The following CEP112 variants were observed in gnomAD, a reference collection of about 807,000 sequenced individuals.
The protein encoded by CEP112 is centrosomal protein 112, also known as centrosomal protein of 112 kDa.
CEP112 carries 127 observed loss-of-function variants against 153.0 expected under a neutral mutation model. The ratio of observed to expected loss-of-function variants is 0.83; its 90% CI spans 0.72 to 0.96. The LOEUF (loss-of-function observed/expected upper bound fraction) is 0.96, where lower values mean the gene tolerates loss of function less well. Ranked by LOEUF, CEP112 falls within the 40% of genes least tolerant of loss-of-function variation. The pLI, the probability that CEP112 is intolerant of heterozygous loss-of-function variation, is 0.00. For synonymous variants in CEP112, 358 were observed against 374.4 expected, an observed-to-expected ratio of 0.96 and a Z score of 0.51; for missense variants, 1,089 against 1,101.2, an observed-to-expected ratio of 0.99 and a Z score of 0.16.
chr17:65,734,325 C>T (rs1375312312), intron 23 of CEP112, among the ~76,000 whole-genome samples: 1 of 152,122 alleles, frequency 6.6e-6, no homozygotes, highest in Non-Finnish European at 1.5e-5. Context: ...GCACTGGCAG[C>T]TGATGAGGGA....
At chr17:66,029,845 T>G (rs2065387205) in intron 13 of CEP112, 24 bp downstream of exon 13, 1 of 1,603,244 alleles carries the variant, frequency 6.2e-7, no homozygotes, top group Non-Finnish European at 8.5e-7. Context: ...CTACACCTGA[T>G]AAATATCTGA....
intron 6 of CEP112, among the ~76,000 whole-genome samples, chr17:66,120,469 A>G (rs1598390586): frequency 6.6e-6 from 1 of 152,026 alleles, no homozygotes; most frequent in Non-Finnish European, 1.5e-5. Flanking sequence ...CCAAAGTGCT[A>G]GGATTATAGG....
At chr17:65,679,890 G>A (rs966157614) in intron 24 of CEP112, among the ~76,000 whole-genome samples, 1 of 152,220 alleles carries the variant, frequency 6.6e-6, no homozygotes, top group African/African-American at 2.4e-5. Flanking sequence ...CAGGCGGAAG[G>A]AGCTAAGGAG....
Position 65,961,567 on chromosome 17 carries a change from C to G in CEP112, c.1768G>C (p.Glu590Gln), listed in dbSNP as rs1226058580. The G allele has an allele frequency of 6.2e-7, 1 of 1,612,974 alleles. No individual in the cohort carries two copies. Among genetic ancestry groups the G allele is most frequent in the Non-Finnish European group, 8.5e-7 (1 of 1,179,110 alleles). The change falls in exon 18 of 27, where the codon GAA becomes CAA. Residue 590 changes from glutamate to glutamine, a missense_variant. Transcript: ENST00000535342. ...TGCTGGGCCTGCAACCTCTGAACTT[C>G]AGTCACACGAGTTAGCTGCTCCTCT... Reference protein sequence around the residue: ...EKEEQLTRVTEVQRLQAQQAD... With the variant: ...EKEEQLTRVTQVQRLQAQQAD...
Position 66,027,553 on chromosome 17 carries a change from T to G in CEP112, c.1604A>C (p.Glu535Ala), listed in dbSNP as rs958343609. Residue 535 changes from glutamate (E) to alanine (A), a missense_variant, in exon 16 of 27, where the codon GAA becomes GCA. Glu to Ala is a moderately radical substitution (Grantham distance 107). Transcript: ENST00000535342. ...LQRKQQLRDQ[E>A]NKFQMEKSHL... ...ACTTTTCTCCATCTGAAACTTATTT[T>G]CTTGATCCTGTGAATGATAAATGTT... 1 of 1,294,464 alleles carries G rather than the reference T, an allele frequency of 7.7e-7. No homozygotes were observed. The highest frequency in any genetic ancestry group is 1.5e-5 in the African/African-American group (1 of 65,010). The allele number at this position is 1,294,464 out of a possible 1,614,324, so 80.2% of individuals were successfully genotyped here.
At chr17:65,662,671 T>C (rs1166605746) in intron 24 of CEP112, among the ~76,000 whole-genome samples, 1 of 152,180 alleles carries the variant, frequency 6.6e-6, no homozygotes, top group African/African-American at 2.4e-5. Flanking sequence ...AGTATCCTCA[T>C]TGGGCCAGCT....
intron 12 of CEP112, among the ~76,000 whole-genome samples, chr17:66,036,230 C>T (rs1393888313): frequency 6.6e-6 from 1 of 152,090 alleles, no homozygotes; most frequent in Admixed American, 6.5e-5. Flanking sequence ...ATGGAAGTTG[C>T]TACTCAATGG....
intron 19 of CEP112, chr17:65,913,445 TCTTA>T (rs2060359851): frequency 2.1e-6 from 2 of 949,526 alleles, no homozygotes; most frequent in Non-Finnish European, 2.5e-6. Flanking sequence ...TACAATCTGG[TCTTA>T]CTTTCTGAAC....
intron 20 of CEP112, among the ~76,000 whole-genome samples, chr17:65,883,374 T>C (rs572082234): frequency 6.6e-6 from 1 of 152,048 alleles, no homozygotes; most frequent in South Asian, 2.1e-4. Flanking sequence ...ATACATTTTT[T>C]CCCCAAGACA....
chr17:65,663,711 C>T (rs1406691177), intron 24 of CEP112, among the ~76,000 whole-genome samples: 4 of 152,180 alleles, frequency 2.6e-5, no homozygotes, highest in Non-Finnish European at 5.9e-5. Context: ...CAGAAGTAGC[C>T]TCTGTTCTGT....
chr17:65,887,319 G>A (rs2059314839), intron 20 of CEP112, among the ~76,000 whole-genome samples: 1 of 152,114 alleles, frequency 6.6e-6, no homozygotes, highest in Non-Finnish European at 1.5e-5. Flanking sequence ...TGTCTAGCAC[G>A]TAATATTGTT....
intron 20 of CEP112, among the ~76,000 whole-genome samples, chr17:65,867,217 G>A (rs768569672): frequency 7.9e-5 from 12 of 152,282 alleles, no homozygotes; most frequent in South Asian, 6.2e-4. Context: ...GGAGCTGCCC[G>A]CCCCACCGCT....
intron 10 of CEP112, 76 bp from the exon 11 acceptor site, chr17:66,063,157 A>C: frequency 1.8e-6 from 1 of 550,286 alleles, no homozygotes; most frequent in Non-Finnish European, 3.1e-6. Context: ...TTAGTGCACC[A>C]GTTAGTAGGT....
At chr17:65,729,060 T>C (rs2050344633) in intron 23 of CEP112, among the ~76,000 whole-genome samples, 1 of 152,242 alleles carries the variant, frequency 6.6e-6, no homozygotes, top group Non-Finnish European at 1.5e-5. Flanking sequence ...TACAATATTT[T>C]TTCCTTTCTT....
At chr17:65,739,444 G>T (rs1047777783) in intron 23 of CEP112, among the ~76,000 whole-genome samples, 1 of 152,148 alleles carries the variant, frequency 6.6e-6, no homozygotes, top group African/African-American at 2.4e-5. Flanking sequence ...CAGCATAAAA[G>T]ATCTACTCTT....
At chr17:65,925,136 C>A (rs78851166) in intron 19 of CEP112, among the ~76,000 whole-genome samples, 1 of 152,128 alleles carries the variant, frequency 6.6e-6, no homozygotes, top group Non-Finnish European at 1.5e-5. Context: ...ATGGGGGCAG[C>A]TTCCCCCCGT....
rs192404327 is a variant in CEP112 at position 65,721,742 on chromosome 17, G to A, written c.2607+21326C>T. On this transcript the variant is annotated intron_variant, in intron 23 of 26. Transcript: ENST00000535342. ...GATCAACAGTTCCTTCCTTTGGAAC[G>A]CTCTTTAAATTAGTTAGTGTTTAAA... 7.2e-5 allele frequency among the ~76,000 whole-genome samples: 11 copies of A among 152,086 alleles called. No individual in the cohort carries two copies. In the East Asian group the frequency reaches 1.5e-3, roughly 21 times the overall value.
At chr17:65,998,040 T>C (rs867908358) in intron 17 of CEP112, among the ~76,000 whole-genome samples, 1 of 152,154 alleles carries the variant, frequency 6.6e-6, no homozygotes, top group Non-Finnish European at 1.5e-5. Flanking sequence ...CATTATTTTA[T>C]TTTAAAATTT....
chr17:65,932,313 A>G (rs2061154483), intron 18 of CEP112, among the ~76,000 whole-genome samples: 1 of 152,220 alleles, frequency 6.6e-6, no homozygotes, highest in South Asian at 2.1e-4. Context: ...AAGCCAATTC[A>G]TCAAACGTAC....
Sources: allele counts gnomAD v4.1 joint callset (sites outside exome capture counted in the v4.1 genomes callset), GRCh38; gene constraint gnomAD v4.1.1; transcripts MANE v1.5; gene names NCBI Gene and HGNC (gene_info 2026-07-23, HGNC 2026-07-21).